Variants in PAK5 observed in about 807,000 individuals in gnomAD.
PAK5 encodes serine/threonine-protein kinase PAK 5.
Under a neutral mutation model 65.9 loss-of-function variants are expected in PAK5, and 16 were observed. The observed-to-expected ratio is 0.24, with a 90% CI of 0.16 to 0.37. The LOEUF (loss-of-function observed/expected upper bound fraction) is 0.37. Among genes scored for constraint, PAK5 ranks in the 10% least tolerant of loss-of-function variants. The pLI, the probability that PAK5 is intolerant of heterozygous loss-of-function variation, is 1.00. For synonymous variants in PAK5, 371 were observed against 354.9 expected, an observed-to-expected ratio of 1.05 and a Z score of -0.51; for missense variants, 785 against 903.9, an observed-to-expected ratio of 0.87 and a Z score of 1.69.
intron 3 of PAK5, among the ~76,000 whole-genome samples, chr20:9,605,196 C>A (rs1048901113): frequency 6.6e-6 from 1 of 152,226 alleles, no homozygotes; most frequent in Non-Finnish European, 1.5e-5. Context: ...TATCCAAGAA[C>A]TTCCTTTCCA....
intron 2 of PAK5, among the ~76,000 whole-genome samples, chr20:9,652,388 A>C (rs2047213643): frequency 6.6e-6 from 1 of 152,214 alleles, no homozygotes; most frequent in African/African-American, 2.4e-5. Flanking sequence ...AAAATCTAAA[A>C]ATCTTGGGAT....
chr20:9,683,124 T>C (rs2047672437), intron 2 of PAK5, among the ~76,000 whole-genome samples: 1 of 152,342 alleles, frequency 6.6e-6, no homozygotes, highest in Non-Finnish European at 1.5e-5. Flanking sequence ...ACAAACCTTC[T>C]TAGGAATGCT....
intron 1 of PAK5, among the ~76,000 whole-genome samples, chr20:9,755,067 T>A (rs1192044620): frequency 6.6e-6 from 1 of 152,216 alleles, no homozygotes; most frequent in East Asian, 1.9e-4. Context: ...TGTAATCTTT[T>A]CAATTACAGT....
At chr20:9,586,913 A>G (rs1368303643) in intron 3 of PAK5, among the ~76,000 whole-genome samples, 2 of 152,194 alleles carry the variant, frequency 1.3e-5, no homozygotes, top group Non-Finnish European at 2.9e-5. Context: ...TATTATCATT[A>G]TTTTGTATCT....
chr20:9,565,727 T>C (rs903433423), intron 5 of PAK5, among the ~76,000 whole-genome samples, 166 bp downstream of exon 5: 12 of 152,208 alleles, frequency 7.9e-5, no homozygotes, highest in Admixed American at 2.0e-4. Context: ...AACAGCCATA[T>C]ATGTGCATAG....
At chr20:9,603,594 T>C (rs2046398812) in intron 3 of PAK5, among the ~76,000 whole-genome samples, 1 of 152,184 alleles carries the variant, frequency 6.6e-6, no homozygotes, top group Non-Finnish European at 1.5e-5. Flanking sequence ...ACTGGTACGT[T>C]AGTTAAGCAA....
chr20:9,782,844 C>G (rs1034957203), intron 1 of PAK5, among the ~76,000 whole-genome samples: 1 of 152,094 alleles, frequency 6.6e-6, no homozygotes, highest in East Asian at 1.9e-4. Context: ...CCCCACCCAC[C>G]ACCATCGTCA....
intron 2 of PAK5, among the ~76,000 whole-genome samples, chr20:9,653,275 T>C (rs2047224157): frequency 6.6e-6 from 1 of 152,160 alleles, no homozygotes; most frequent in Admixed American, 6.5e-5. Flanking sequence ...GAAAGTGTGT[T>C]AAATATAACA....
In PAK5 at chr20:9,537,441, G is replaced by C. The variant is rs1237770224; in HGVS notation, c.*2021C>G. Reference sequence around the variant, plus strand: ...CAAATGCAGTTTCTGCCAATAGTTAGTGCTCACAAAACCTTTTAAGCTACA... The same window carrying C: ...CAAATGCAGTTTCTGCCAATAGTTACTGCTCACAAAACCTTTTAAGCTACA... On this transcript the variant is annotated 3_prime_UTR_variant, in exon 10 of 10. Transcript: ENST00000353224. 1 of 207,726 alleles carries C rather than the reference G, an allele frequency of 4.8e-6. No homozygotes were observed. Among genetic ancestry groups the C allele is most frequent in the Admixed American group, 5.9e-5 (1 of 16,812 alleles). The allele number at this position is 207,726 out of a possible 1,614,324, so 12.9% of individuals were successfully genotyped here. A position where few individuals can be genotyped will look rare whatever the true frequency, so the allele number is the denominator to read the frequency against.
intron 3 of PAK5, among the ~76,000 whole-genome samples, chr20:9,624,015 G>A (rs886226773): frequency 5.3e-5 from 8 of 152,256 alleles, no homozygotes; most frequent in East Asian, 3.9e-4. Flanking sequence ...TGGTACATAC[G>A]CTTTATGATC....
At chr20:9,680,250 A>G (rs1201593516) in intron 2 of PAK5, among the ~76,000 whole-genome samples, 1 of 152,188 alleles carries the variant, frequency 6.6e-6, no homozygotes, top group Non-Finnish European at 1.5e-5. Flanking sequence ...GGATCACTGT[A>G]ATTTAGTAAG....
chr20:9,822,633 T>C (rs1245121792), intron 1 of PAK5, among the ~76,000 whole-genome samples: 3 of 152,242 alleles, frequency 2.0e-5, no homozygotes. Flanking sequence ...TTTCTTTTCT[T>C]ACAACAACTT....
At chr20:9,750,749 T>C (rs1161364875) in intron 1 of PAK5, among the ~76,000 whole-genome samples, 1 of 152,120 alleles carries the variant, frequency 6.6e-6, no homozygotes, top group African/African-American at 2.4e-5. Context: ...CCAATGAGGA[T>C]ACATATGTGC....
intron 7 of PAK5, among the ~76,000 whole-genome samples, chr20:9,556,344 T>C (rs928669669): frequency 6.6e-6 from 1 of 152,250 alleles, no homozygotes; most frequent in African/African-American, 2.4e-5. Flanking sequence ...CTGAGTTTAC[T>C]ACATTTTCTA....
rs144378083 is a variant in PAK5, at chr20:9,721,653, C to CA, written c.-161-10219dup. Among the ~76,000 whole-genome samples, 251 of 65,546 alleles carry CA rather than the reference C, an allele frequency of 3.8e-3. 8 individuals carry two copies. Among genetic ancestry groups the CA allele is most frequent in the East Asian group, 0.011 (22 of 1,984 alleles). 43.0% of individuals were successfully genotyped at this position (65,546 alleles called of 152,430 possible). A position where few individuals can be genotyped will look rare whatever the true frequency, so the allele number is the denominator to read the frequency against. On this transcript the variant is annotated intron_variant, in intron 1 of 9. Transcript: ENST00000353224. Reference sequence around the variant, plus strand: ...TGGGTGACAGAGCGAGACTCCATCTCAAAAAAAAAAAAAAAAAAAAAAAAA... The same window carrying CA: ...TGGGTGACAGAGCGAGACTCCATCTCAAAAAAAAAAAAAAAAAAAAAAAAAA...
At chr20:9,745,459 G>T (rs924294503) in intron 1 of PAK5, among the ~76,000 whole-genome samples, 4 of 151,960 alleles carry the variant, frequency 2.6e-5, no homozygotes, top group African/African-American at 9.7e-5. Context: ...ATCCTTTACA[G>T]CTATTAAATT....
Position 9,795,948 on chromosome 20 carries a change from A to C in PAK5, c.-162+42814T>G, listed in dbSNP as rs117674367. On this transcript the variant is annotated intron_variant, in intron 1 of 9. Transcript: ENST00000353224. ...TATTTATTAAATATATGTCCATATC[A>C]GCATATATAAATTTACTTTTTTCTT... is the stretch of plus-strand genomic sequence containing the variant. 3.4e-3 allele frequency among the ~76,000 whole-genome samples: 513 copies of C among 152,248 alleles called. 1 individual carries two copies. Among genetic ancestry groups the C allele is most frequent in the South Asian group, 0.019 (91 of 4,824 alleles).
rs148259664 is a variant in PAK5 at position 9,717,140 on chromosome 20, G to C, written c.-161-5705C>G. Among the ~76,000 whole-genome samples the C allele has an allele frequency of 8.5e-3, 1,292 of 151,674 alleles. 9 individuals are homozygous for C. Among genetic ancestry groups the C allele is most frequent in the Non-Finnish European group, 0.013 (910 of 67,962 alleles). Reference sequence around the variant, plus strand: ...CTGAATGTTTAGTAGACTATGTTCAGATAACAGCTATACCATTCTGAACAT... The same window carrying C: ...CTGAATGTTTAGTAGACTATGTTCACATAACAGCTATACCATTCTGAACAT... On this transcript the variant is annotated intron_variant, in intron 1 of 9. Coordinates refer to ENST00000353224, the MANE Select transcript of PAK5 (RefSeq NM_177990.4).
At position 9,839,074 on chromosome 20, in the gene PAK5, G is replaced by A. The variant is rs1979387780; in HGVS notation, c.-474C>T. ...CGGCGGGAGGCAGGCTGTAGCGGCGGCCGGGGGTGGAGGTGAGGGGGAGGG... is the reference window on the plus strand; with the variant it reads ...CGGCGGGAGGCAGGCTGTAGCGGCGACCGGGGGTGGAGGTGAGGGGGAGGG... On this transcript the variant is annotated 5_prime_UTR_variant, in exon 1 of 10. Transcript: ENST00000353224. 6.6e-6 allele frequency: 1 copy of A among 152,018 alleles called. No homozygotes were observed. Among genetic ancestry groups the A allele is most frequent in the Non-Finnish European group, 1.5e-5 (1 of 68,024 alleles). The allele number at this position is 152,018 out of a possible 1,614,324, so 9.4% of individuals were successfully genotyped here.
Sources: allele counts gnomAD v4.1 joint callset (sites outside exome capture counted in the v4.1 genomes callset), GRCh38; gene constraint gnomAD v4.1.1; transcripts MANE v1.5; gene names NCBI Gene and HGNC (gene_info 2026-07-23, HGNC 2026-07-21).